The following LATS1 variants were observed in gnomAD, a reference collection of about 807,000 sequenced individuals.
The protein encoded by LATS1 is large tumor suppressor kinase 1, also known as serine/threonine-protein kinase LATS1.
Under a neutral mutation model 106.6 loss-of-function variants are expected in LATS1, and 25 were observed. That is an observed-to-expected ratio of 0.23 (90% CI 0.17 to 0.33). The LOEUF is 0.33. Ranked by LOEUF, LATS1 falls within the 10% of genes least tolerant of loss-of-function variation. The probability of loss-of-function intolerance (pLI) is 1.00; values close to 1 mark genes in which losing one functional copy is unlikely to be tolerated. For synonymous variants in LATS1, 465 were observed against 455.6 expected (o/e 1.02, Z -0.26); for missense variants, 1,040 against 1,382.6 (o/e 0.75, Z 3.93).
chr6:149,703,456 T>C (rs535440846), intron 1 of LATS1, among the ~76,000 whole-genome samples: 1 of 152,310 alleles, frequency 6.6e-6, no homozygotes, highest in South Asian at 2.1e-4. Context: ...TGGGAGGTGG[T>C]TGGATCTTGT....
chr6:149,667,098 G>A (rs1294586677), intron 7 of LATS1, among the ~76,000 whole-genome samples: 5 of 152,010 alleles, frequency 3.3e-5, no homozygotes, highest in Admixed American at 2.6e-4. Context: ...CTCAATAGCA[G>A]AGTGAAGATG....
chr6:149,688,300 G>GT (rs761315539), intron 3 of LATS1, among the ~76,000 whole-genome samples: 74 of 151,742 alleles, frequency 4.9e-4, no homozygotes, highest in Non-Finnish European at 9.3e-4. Context: ...AAATATTTGG[G>GT]TTTTTTGTTT....
At chr6:149,712,441 C>G (rs927321033) in intron 1 of LATS1, among the ~76,000 whole-genome samples, 2 of 152,148 alleles carry the variant, frequency 1.3e-5, no homozygotes, top group Non-Finnish European at 2.9e-5. Flanking sequence ...CAGGTGACCG[C>G]CCACCTTGGC....
intron 1 of LATS1, chr6:149,702,483 T>TA (rs77939550): frequency 0.014 from 2,119 of 149,782 alleles, 23 homozygotes; most frequent in African/African-American, 0.036. Context: ...TATGATGATT[T>TA]AAAAAAAAAA....
At chr6:149,680,731 C>T (rs1781990860) in intron 4 of LATS1, among the ~76,000 whole-genome samples, 1 of 129,004 alleles carries the variant, frequency 7.8e-6, no homozygotes, top group Non-Finnish European at 1.5e-5. Context: ...CTACTCTTCT[C>T]TAATGCACTC....
At chr6:149,670,225 T>C (rs1158049038) in intron 7 of LATS1, among the ~76,000 whole-genome samples, 2 of 121,942 alleles carry the variant, frequency 1.6e-5, no homozygotes, top group Middle Eastern at 4.8e-3. Context: ...AAAAGAAAAC[T>C]TAATATATAT....
At chr6:149,693,268 T>C (rs1213209304) in intron 3 of LATS1, among the ~76,000 whole-genome samples, 6 of 136,028 alleles carry the variant, frequency 4.4e-5, no homozygotes, top group Admixed American at 7.6e-5. Flanking sequence ...CAAGACTCTG[T>C]CTCAAAGAGA....
chr6:149,689,168 A>C (rs78156040), intron 3 of LATS1, among the ~76,000 whole-genome samples: 1 of 144,834 alleles, frequency 6.9e-6, no homozygotes. Flanking sequence ...ACTTTGTCTC[A>C]AAAAAAAAAA....
intron 6 of LATS1, 41 bp from the exon 7 acceptor site, chr6:149,676,407 C>A: frequency 1.4e-6 from 2 of 1,433,334 alleles, no homozygotes; most frequent in South Asian, 2.4e-5. Context: ...TAAAAATGCT[C>A]AGAATACAAT....
At position 149,683,238 on chromosome 6, in the gene LATS1, A is replaced by C; in HGVS notation, c.1851T>G (p.Val617=). 14 of 1,613,956 alleles carry C rather than the reference A, an allele frequency of 8.7e-6. No homozygotes were observed. The highest frequency in any genetic ancestry group is 1.2e-5 in the Non-Finnish European group (14 of 1,179,972). The part of the protein sequence containing the change: ...KKQITTSPIT[V]RKNKKDEERR... ...GCTCTTCATCTTTCTTGTTTTTCCT[A>C]ACAGTAATAGGTGAAGTTGTAATCT... Residue 617 remains valine, a synonymous_variant, in exon 4 of 8, where the codon GTT becomes GTG. Transcript: ENST00000543571.
chr6:149,717,995 C>T lies in LATS1; in HGVS notation c.-287G>A. ...GGGGGGCTGCCGCGGGCCAGCGCGGCCCGTCCCAGGGGTCGTGAGGACCTG... is the reference window on the plus strand; with the variant it reads ...GGGGGGCTGCCGCGGGCCAGCGCGGTCCGTCCCAGGGGTCGTGAGGACCTG... On this transcript the variant is annotated 5_prime_UTR_variant, in exon 1 of 8. Transcript: ENST00000543571. 2.7e-6 allele frequency: 1 copy of T among 364,874 alleles called. No individual in the cohort carries two copies. The highest frequency in any genetic ancestry group is 5.3e-6 in the Non-Finnish European group (1 of 189,970). The allele number at this position is 364,874 out of a possible 1,614,324, so 22.6% of individuals were successfully genotyped here.
intron 4 of LATS1, among the ~76,000 whole-genome samples, chr6:149,681,280 A>T (rs1202903012): frequency 6.6e-6 from 1 of 152,248 alleles, no homozygotes; most frequent in Non-Finnish European, 1.5e-5. Context: ...TAAAGAATTA[A>T]TTAAAGGGTT....
intron 5 of LATS1, among the ~76,000 whole-genome samples, chr6:149,677,569 G>C (rs1163269078): frequency 7.9e-5 from 12 of 152,192 alleles, no homozygotes; most frequent in Non-Finnish European, 1.8e-4. Flanking sequence ...TATGGGTCAT[G>C]TGAAGTTTGA....
At chr6:149,675,270 A>T (rs1434956344) in intron 7 of LATS1, among the ~76,000 whole-genome samples, 3 of 151,494 alleles carry the variant, frequency 2.0e-5, no homozygotes, top group Admixed American at 2.0e-4. Context: ...TTCAGAAAGG[A>T]GGAAGGGTTA....
chr6:149,679,952 T>C lies in LATS1; in HGVS notation c.2516A>G (p.Asp839Gly), dbSNP rs1781948073. 1 of 1,613,950 alleles carries C rather than the reference T, an allele frequency of 6.2e-7. No homozygotes were observed. Among genetic ancestry groups the C allele is most frequent in the Admixed American group, 1.7e-5 (1 of 59,990 alleles). ...IKPDNILIDR[D>G]GHIKLTDFGL... The stretch of plus-strand genomic sequence containing the variant: ...AAAGTCAGTCAATTTAATATGACCA[T>C]CACGATCAATCAAAATATTATCAGG... Residue 839 changes from aspartate to glycine, a missense_variant, in exon 5 of 8, where the codon GAT (aspartate) becomes GGT (glycine). Physicochemically the swap from Asp to Gly is moderately conservative, Grantham distance 94. Coordinates refer to ENST00000543571, the MANE Select transcript of LATS1 (RefSeq NM_004690.4).
chr6:149,683,298 A>G lies in LATS1; in HGVS notation c.1791T>C (p.Tyr597=), dbSNP rs769658630. The G allele has an allele frequency of 4.3e-6, 7 of 1,614,026 alleles. No homozygotes were observed. Among genetic ancestry groups the G allele is most frequent in the South Asian group, 2.2e-5 (2 of 91,092 alleles). The change falls in exon 4 of 8, where the codon TAT becomes TAC. Residue 597 remains tyrosine, a synonymous_variant. Coordinates refer to ENST00000543571, the MANE Select transcript of LATS1 (RefSeq NM_004690.4). ...CTTTATCCCCACTATCAACATTTTC[A>G]TAACTCTTTTCACTCTCATCTTCCT... ...LPKEDESEKS[Y]ENVDSGDKEK...
chr6:149,698,636 C>T (rs532302119), intron 2 of LATS1, among the ~76,000 whole-genome samples: 40 of 149,496 alleles, frequency 2.7e-4, no homozygotes, highest in Admixed American at 8.6e-4. Flanking sequence ...CTGCAACCTC[C>T]GCCGCCCAGG....
intron 1 of LATS1, among the ~76,000 whole-genome samples, chr6:149,703,202 T>C (rs1783567559): frequency 6.6e-6 from 1 of 152,164 alleles, no homozygotes; most frequent in South Asian, 2.1e-4. Context: ...CTCGAACTCC[T>C]GGCCTCAAGT....
rs575855030 is a variant in LATS1, at chr6:149,667,986, T to G, written c.2884-5748A>C. On this transcript the variant is annotated intron_variant, in intron 7 of 7. Transcript: ENST00000543571. ...CCCCGGCTGGAGTGCAGTGGTGTCA[T>G]CTTGTCTCCCTACAACCTCCGCCTC... Among the ~76,000 whole-genome samples the G allele has an allele frequency of 7.2e-5, 11 of 152,310 alleles. No individual in the cohort carries two copies. The East Asian group carries it at 1.3e-3, about 19-fold the overall frequency.
Sources: gnomAD v4.1 joint callset for allele counts (sites outside exome capture counted in the v4.1 genomes callset) on GRCh38, gnomAD v4.1.1 for gene constraint, MANE v1.5 for transcripts, NCBI Gene and HGNC (gene_info 2026-07-23, HGNC 2026-07-21) for gene names.